The following SLC2A8 variants were observed in gnomAD, a reference collection of about 807,000 sequenced individuals.
The protein encoded by SLC2A8 is solute carrier family 2, facilitated glucose transporter member 8.
A neutral mutation model predicts 49.2 loss-of-function variants in SLC2A8; 53 were observed. The ratio of observed to expected loss-of-function variants is 1.08; its 90% CI spans 0.86 to 1.35. SLC2A8 has a LOEUF of 1.35. Among genes scored for constraint, SLC2A8 ranks in the 40% most tolerant of loss-of-function variants. The probability of loss-of-function intolerance (pLI) is 0.00; values close to 1 mark genes in which losing one functional copy is unlikely to be tolerated. For missense variants in SLC2A8, 688 were observed against 671.7 expected (o/e 1.02, Z -0.27); for synonymous variants, 299 against 297.0 (o/e 1.01, Z -0.07).
chr9:127,406,497 A>G (rs950744368), intron 9 of SLC2A8, among the ~76,000 whole-genome samples: 1 of 152,238 alleles, frequency 6.6e-6, no homozygotes, highest in Admixed American at 6.5e-5. Flanking sequence ...AGGACCTAAC[A>G]GTCCTTTTTT....
rs1290500146 is a variant in SLC2A8, at chr9:127,402,672, G to C, written c.642G>C (p.Arg214Ser). The C allele has an allele frequency of 6.3e-7, 1 of 1,578,286 alleles. No individual in the cohort carries two copies. Among genetic ancestry groups the C allele is most frequent in the East Asian group, 2.3e-5 (1 of 43,574 alleles). The change falls in exon 5 of 10, where the codon AGG (arginine) becomes AGC (serine). Residue 214 changes from arginine (R) to serine (S), a missense_variant. Transcript: ENST00000373371. ...ETPRFLLTQH[R>S]RQEAMAALRF... ...CGCGCTTCCTGCTGACTCAGCACAG[G>C]CGCCAGGAGGCCATGGCCGCCCTGC... is the stretch of plus-strand genomic sequence containing the variant.
chr9:127,403,108 G>A (rs1833354218), intron 5 of SLC2A8, among the ~76,000 whole-genome samples: 1 of 152,220 alleles, frequency 6.6e-6, no homozygotes, highest in Non-Finnish European at 1.5e-5. Flanking sequence ...CTGGGTTTTA[G>A]AGTCACCCAG....
At chr9:127,403,907 G>A (rs1833390532) in intron 6 of SLC2A8, 52 bp from the exon 7 acceptor site, 13 of 1,600,626 alleles carry the variant, frequency 8.1e-6, no homozygotes, top group Non-Finnish European at 1.1e-5. Flanking sequence ...GAGAGGGAGG[G>A]ACCCAGCTCT....
Position 127,397,222 on chromosome 9 carries a change from G to C in SLC2A8, c.-9G>C. The stretch of plus-strand genomic sequence containing the variant: ...CGCCAGAGCTGGCCGATCGGCGTTG[G>C]CCGCCGACATGACGCCCGAGGACCC... On this transcript the variant is annotated 5_prime_UTR_variant, in exon 1 of 10. Coordinates refer to ENST00000373371, the MANE Select transcript of SLC2A8 (RefSeq NM_014580.5). 6.9e-7 allele frequency: 1 copy of C among 1,457,880 alleles called. No homozygotes were observed. 90.3% of individuals were successfully genotyped at this position (1,457,880 alleles called of 1,614,324 possible). A position where few individuals can be genotyped will look rare whatever the true frequency, so the allele number is the denominator to read the frequency against.
At chr9:127,405,333 G>T (rs772780240) in intron 8 of SLC2A8, 87 bp from the exon 9 acceptor site, 20 of 1,482,280 alleles carry the variant, frequency 1.3e-5, no homozygotes, top group Non-Finnish European at 1.7e-5. Context: ...CCACAGGCTG[G>T]GAAGCTGGGT....
chr9:127,397,585 C>T (rs1483739943), intron 2 of SLC2A8, 47 bp downstream of exon 2: 12 of 1,366,020 alleles, frequency 8.8e-6, no homozygotes, highest in Non-Finnish European at 1.0e-5. Context: ...CCACGCCCTC[C>T]TCTCGGGACG....
chr9:127,400,769 C>G (rs1232346403), intron 4 of SLC2A8, among the ~76,000 whole-genome samples: 1 of 152,140 alleles, frequency 6.6e-6, no homozygotes, highest in Non-Finnish European at 1.5e-5. Flanking sequence ...GAAGAAACTT[C>G]AGGAGACAGG....
At chr9:127,402,252 C>A in intron 4 of SLC2A8, 1 of 343,528 alleles carries the variant, frequency 2.9e-6, no homozygotes, top group Non-Finnish European at 5.3e-6. Flanking sequence ...CCACATCATA[C>A]CATGCGGACA....
intron 5 of SLC2A8, 89 bp from the exon 6 acceptor site, chr9:127,403,571 C>T (rs1833373452): frequency 1.3e-6 from 2 of 1,533,796 alleles, no homozygotes; most frequent in South Asian, 2.3e-5. Context: ...AGTCAGCGCT[C>T]CCCAAGCCTT....
At position 127,399,447 on chromosome 9, in the gene SLC2A8, G is replaced by A. The variant is rs1833184993; in HGVS notation, c.427-460G>A. The stretch of plus-strand genomic sequence containing the variant: ...ACCTGGGGATGGCTCTGCTCACCTA[G>A]GCAGGTTCCACTAAGGGGCTTCAGG... On this transcript the variant is annotated intron_variant, in intron 3 of 9. Coordinates refer to ENST00000373371, the MANE Select transcript of SLC2A8 (RefSeq NM_014580.5). This position sits in a 1 kb window ranked among gnomAD's most constrained non-coding sequence, Gnocchi z 4.2. Among the ~76,000 whole-genome samples the A allele has an allele frequency of 6.6e-6, 1 of 152,086 alleles. No homozygotes were observed. The highest frequency in any genetic ancestry group is 1.5e-5 in the Non-Finnish European group (1 of 68,038).
At chr9:127,406,917 G>A (rs576929999) in intron 9 of SLC2A8, among the ~76,000 whole-genome samples, 195 bp from the exon 10 acceptor site, 9 of 152,300 alleles carry the variant, frequency 5.9e-5, no homozygotes, top group South Asian at 2.1e-4. Context: ...GACAGTGCTC[G>A]GCCCAAGCCA....
Position 127,402,557 on chromosome 9 carries a change from G to A in SLC2A8, c.527G>A (p.Gly176Asp), listed in dbSNP as rs1410409153. The change falls in exon 5 of 10, where the codon GGC (glycine) becomes GAC (aspartate). Residue 176 changes from glycine to aspartate, a missense_variant and splice_region_variant. Coordinates refer to ENST00000373371, the MANE Select transcript of SLC2A8 (RefSeq NM_014580.5). Reference sequence around the variant, plus strand: ...AGCCTCCTCCACCCACCCCCCGCAGGCTGGGTGCTGGAGTGGCGCTGGCTG... The same window carrying A: ...AGCCTCCTCCACCCACCCCCCGCAGACTGGGTGCTGGAGTGGCGCTGGCTG... ...VVGILLAYLA[G>D]WVLEWRWLAV... is the part of the protein sequence containing the mutation. 4 of 1,540,078 alleles carry A rather than the reference G, an allele frequency of 2.6e-6. No individual in the cohort carries two copies. Among genetic ancestry groups the A allele is most frequent in the Non-Finnish European group, 2.6e-6 (3 of 1,144,688 alleles).
chr9:127,405,093 CCTCTCGTAAGTTCCAAG>C, intron 8 of SLC2A8, 102 bp downstream of exon 8: 1 of 1,294,796 alleles, frequency 7.7e-7, no homozygotes, highest in Non-Finnish European at 1.1e-6. Context: ...CCTCACCTCT[CCTCTCGTAAGTTCCAAG>C]CTCTGCATTT....
chr9:127,403,408 CT>C, intron 5 of SLC2A8: 1 of 564,492 alleles, frequency 1.8e-6, no homozygotes, highest in Non-Finnish European at 3.2e-6. Context: ...GCAGCTTGCT[CT>C]TTGCCCAGAT....
chr9:127,399,958 T>C lies in SLC2A8; in HGVS notation c.478T>C (p.Cys160Arg). The change falls in exon 4 of 10, where the codon TGT becomes CGT. Residue 160 changes from cysteine (C) to arginine (R), a missense_variant. Physicochemically the swap from Cys to Arg is radical, Grantham distance 180. Coordinates refer to ENST00000373371, the MANE Select transcript of SLC2A8 (RefSeq NM_014580.5). This position sits in a 1 kb window ranked among gnomAD's most constrained non-coding sequence, Gnocchi z 4.2. ...AGCAGTCCGGGGGTTGCTCGGCTCC[T>C]GTGTGCAGCTAATGGTCGTCGTCGG... ...YPAVRGLLGS[C>R]VQLMVVVGIL... The C allele has an allele frequency of 6.2e-7, 1 of 1,613,878 alleles. No individual in the cohort carries two copies. The highest frequency in any genetic ancestry group is 8.5e-7 in the Non-Finnish European group (1 of 1,179,848).
rs766371683 is a variant in SLC2A8 at position 127,397,188 on chromosome 9, C to G, written c.-43C>G. On this transcript the variant is annotated 5_prime_UTR_variant, in exon 1 of 10. Coordinates refer to ENST00000373371, the MANE Select transcript of SLC2A8 (RefSeq NM_014580.5). ...CGGGCCGCACTCGCAGGGCCCGTGG[C>G]GGTTCAGGCGCCAGAGCTGGCCGAT... 3.5e-6 allele frequency: 5 copies of G among 1,442,356 alleles called. No individual in the cohort carries two copies. Among genetic ancestry groups the G allele is most frequent in the Non-Finnish European group, 4.5e-6 (5 of 1,106,258 alleles). 89.3% of individuals were successfully genotyped at this position (1,442,356 alleles called of 1,614,324 possible).
At chr9:127,404,205 C>T (rs1833406122) in intron 7 of SLC2A8, 138 bp downstream of exon 7, 2 of 635,326 alleles carry the variant, frequency 3.1e-6, no homozygotes, top group Non-Finnish European at 5.4e-6. Context: ...TTGACAGCAG[C>T]TTGTCACCAA....
chr9:127,402,733 C>G lies in SLC2A8; in HGVS notation c.703C>G (p.Pro235Ala), dbSNP rs994823825. The change falls in exon 5 of 10, where the codon CCC becomes GCC. Residue 235 changes from proline (P) to alanine (A), a missense_variant. By Grantham distance (27) the Pro-to-Ala change is conservative (BLOSUM62 -1). Transcript: ENST00000373371. ...LWGSEQGWED[P>A]PIGAEQSFHL... ...GGGCTCCGAGCAGGGCTGGGAAGAC[C>G]CCCCCATCGGGGCTGAGCAGGTGAG... is the stretch of plus-strand genomic sequence containing the variant. The G allele has an allele frequency of 9.0e-6, 14 of 1,549,456 alleles. No individual in the cohort carries two copies. In the African/African-American group the frequency reaches 1.9e-4, roughly 21 times the overall value.
Position 127,405,309 on chromosome 9 carries a change from G to A in SLC2A8, c.1151-111G>A, listed in dbSNP as rs1483330055. 6.2e-6 allele frequency: 8 copies of A among 1,285,830 alleles called. No homozygotes were observed. The South Asian group carries it at 1.0e-4, about 16-fold the overall frequency. 79.7% of individuals were successfully genotyped at this position (1,285,830 alleles called of 1,614,324 possible). A position where few individuals can be genotyped will look rare whatever the true frequency, so the allele number is the denominator to read the frequency against. ...AGCTGGTGGGACCACACTGGGATCC[G>A]GGACCCCACAGCCCCACAGGCTGGG... On this transcript the variant is annotated intron_variant, in intron 8 of 9. Transcript: ENST00000373371.
Sources: gnomAD v4.1 joint callset for allele counts (sites outside exome capture counted in the v4.1 genomes callset) on GRCh38, gnomAD v4.1.1 for gene constraint, Gnocchi (gnomAD v3.1) non-coding constraint, MANE v1.5 for transcripts, NCBI Gene and HGNC (gene_info 2026-07-23, HGNC 2026-07-21) for gene names.